LRPAP1: variants seen among roughly 807,000 people sequenced by gnomAD.
LRPAP1 encodes LDL receptor related protein associated protein 1, also known as alpha-2-macroglobulin receptor-associated protein.
Under a neutral mutation model 39.9 loss-of-function variants are expected in LRPAP1, and 41 were observed. The ratio of observed to expected loss-of-function variants is 1.03; its 90% CI spans 0.80 to 1.33. LRPAP1 has a LOEUF of 1.33. Ranked by LOEUF, LRPAP1 falls within the 40% of genes most tolerant of loss-of-function variation. LRPAP1 has a pLI of 0.00. For missense variants in LRPAP1, 565 were observed against 482.3 expected (o/e 1.17, Z -1.61); for synonymous variants, 263 against 212.7 (o/e 1.24, Z -2.06).
intron 1 of LRPAP1, among the ~76,000 whole-genome samples, chr4:3,527,106 G>A (rs1730100293): frequency 6.9e-6 from 1 of 143,974 alleles, no homozygotes; most frequent in African/African-American, 2.4e-5. Flanking sequence ...CCTGGTAGAT[G>A]CTCTGCGCCC....
At position 3,532,340 on chromosome 4, in the gene LRPAP1, G is replaced by A. The variant is rs747908477; in HGVS notation, c.73C>T (p.Pro25Ser). ...CCGCCGTGGCTCGCAGCGGGCCAGG[G>A]CCCGAGGAAGAGCAGCAGCAGTAGC... Reference protein sequence around the residue: ...ALLLLLLFLGPWPAASHGGKY... With the variant: ...ALLLLLLFLGSWPAASHGGKY... The change falls in exon 1 of 8, where the codon CCC becomes TCC. Residue 25 changes from proline (P) to serine (S), a missense_variant. By Grantham distance (74) the Pro-to-Ser change is moderately conservative. Transcript: ENST00000650182. 1 of 1,592,016 alleles carries A rather than the reference G, an allele frequency of 6.3e-7. No individual in the cohort carries two copies. Among genetic ancestry groups the A allele is most frequent in the Admixed American group, 1.7e-5 (1 of 57,526 alleles).
intron 7 of LRPAP1, 134 bp downstream of exon 7, chr4:3,514,618 G>A (rs764710630): frequency 1.1e-4 from 128 of 1,184,974 alleles, no homozygotes; most frequent in East Asian, 2.8e-4. Context: ...GTGGCCCTGG[G>A]GTTCAACTCG....
chr4:3,531,422 G>A (rs932027033), intron 1 of LRPAP1, among the ~76,000 whole-genome samples: 2 of 152,210 alleles, frequency 1.3e-5, no homozygotes, highest in African/African-American at 2.4e-5. Flanking sequence ...CATTTGAGAT[G>A]AGATAATGAG....
intron 1 of LRPAP1, among the ~76,000 whole-genome samples, chr4:3,529,952 G>A (rs1730199417): frequency 6.6e-6 from 1 of 152,226 alleles, no homozygotes; most frequent in South Asian, 2.1e-4. Flanking sequence ...GAGGCTGAGA[G>A]CAGTGGCTGC....
rs1298019531 is a variant in LRPAP1, at chr4:3,532,384, A to T, written c.29T>A (p.Leu10Gln). MAPRRVRSF[L>Q]RGLPALLLLL... ...CAGTAGCAGCGCCGGGAGCCCGCGC[A>T]GAAACGACCTGACCCTCCGCGGCGC... The change falls in exon 1 of 8, where the codon CTG becomes CAG. Residue 10 changes from leucine to glutamine, a missense_variant. Physicochemically the swap from Leu to Gln is moderately radical, Grantham distance 113. Transcript: ENST00000650182. The T allele has an allele frequency of 1.9e-6, 3 of 1,590,456 alleles. No homozygotes were observed. Among genetic ancestry groups the T allele is most frequent in the South Asian group, 1.1e-5 (1 of 88,110 alleles).
rs1729395037 is a variant in LRPAP1, at chr4:3,507,720, A to G, written c.*5254T>C. On this transcript the variant is annotated 3_prime_UTR_variant, in exon 8 of 8. Transcript: ENST00000650182. ...ATAGGTAGAAGAAAGGAAATTCATA[A>G]GAAAAGAGCAAAAGTCAATGAAAAA... The G allele has an allele frequency of 6.6e-6, 1 of 152,146 alleles. No homozygotes were observed. The highest frequency in any genetic ancestry group is 2.4e-5 in the African/African-American group (1 of 41,436). 9.4% of individuals were successfully genotyped at this position (152,146 alleles called of 1,614,324 possible).
intron 5 of LRPAP1, 38 bp downstream of exon 5, chr4:3,517,996 C>T (rs1357723849): frequency 1.3e-6 from 2 of 1,559,260 alleles, no homozygotes; most frequent in South Asian, 2.3e-5. Flanking sequence ...AGAGACGGCC[C>T]CACCCTCGGG....
In LRPAP1 at chr4:3,518,047, G is replaced by A. The variant is rs370957737; in HGVS notation, c.738C>T (p.Tyr246=). The change falls in exon 5 of 8, where the codon TAC becomes TAT. Residue 246 remains tyrosine (Y), a synonymous_variant. Coordinates refer to ENST00000650182, the MANE Select transcript of LRPAP1 (RefSeq NM_002337.4). The part of the protein sequence containing the change: ...DRLRRVSHQG[Y]STEAEFEEPR... ...GCGGGCACTCACCAGCCTCAGTGCT[G>A]TAGCCCTGGTGGCTGACCCTGCGCA... 30 of 1,609,884 alleles carry A rather than the reference G, an allele frequency of 1.9e-5. No individual in the cohort carries two copies. Among genetic ancestry groups the A allele is most frequent in the Admixed American group, 6.7e-5 (4 of 59,876 alleles).
intron 2 of LRPAP1, 186 bp from the exon 3 acceptor site, chr4:3,520,379 C>A: frequency 1.6e-6 from 1 of 624,620 alleles, no homozygotes; most frequent in Non-Finnish European, 2.7e-6. Context: ...AGCGTGGGGT[C>A]TGTGGTCTCC....
chr4:3,532,238 A>G lies in LRPAP1; in HGVS notation c.175T>C (p.Leu59=), dbSNP rs1730278927. The G allele has an allele frequency of 1.9e-6, 3 of 1,551,036 alleles. No homozygotes were observed. The highest frequency in any genetic ancestry group is 2.4e-5 in the South Asian group (2 of 84,152). ...TGGGCCTTCTCCCACAGCTGGTTCA[A>G]CTTCTCCATGCGGAACTCCTCTCCG... is the stretch of plus-strand genomic sequence containing the variant. ...ESGEEFRMEK[L]NQLWEKAQRL... Residue 59 remains leucine, a synonymous_variant, in exon 1 of 8, where the codon TTG becomes CTG. Coordinates refer to ENST00000650182, the MANE Select transcript of LRPAP1 (RefSeq NM_002337.4).
chr4:3,523,224 C>T (rs770204466), intron 2 of LRPAP1, among the ~76,000 whole-genome samples: 14 of 152,158 alleles, frequency 9.2e-5, no homozygotes, highest in African/African-American at 2.7e-4. Context: ...CTCCAGGCCC[C>T]GAATGCTGCC....
intron 1 of LRPAP1, 85 bp from the exon 2 acceptor site, chr4:3,525,136 A>G: frequency 6.5e-7 from 1 of 1,528,402 alleles, no homozygotes; most frequent in South Asian, 1.1e-5. Context: ...GAGGCTGGCC[A>G]CCGGGAGGTT....
Position 3,510,569 on chromosome 4 carries a change from T to A in LRPAP1, c.*2405A>T, listed in dbSNP as rs182039375. ...CCTATGCAGCAAATAATCTGAAAGTTAAGGGAGAAATGGATCCTGACTGCA... is the reference window on the plus strand; with the variant it reads ...CCTATGCAGCAAATAATCTGAAAGTAAAGGGAGAAATGGATCCTGACTGCA... On this transcript the variant is annotated 3_prime_UTR_variant, in exon 8 of 8. Transcript: ENST00000650182. The A allele has an allele frequency of 1.1e-3, 166 of 152,302 alleles. No individual in the cohort carries two copies. The highest frequency in any genetic ancestry group is 3.7e-3 in the African/African-American group (152 of 41,564). The allele number at this position is 152,302 out of a possible 1,614,324, so 9.4% of individuals were successfully genotyped here. A position where few individuals can be genotyped will look rare whatever the true frequency, so the allele number is the denominator to read the frequency against.
At chr4:3,524,829 CG>C in intron 2 of LRPAP1, 77 bp downstream of exon 2, 1 of 1,521,536 alleles carries the variant, frequency 6.6e-7, no homozygotes, top group Non-Finnish European at 9.1e-7. Context: ...AAACAAAATC[CG>C]ACATCCAAAA....
In LRPAP1 at chr4:3,510,658, A is replaced by C. The variant is rs1729479141; in HGVS notation, c.*2316T>G. 6.6e-6 allele frequency: 1 copy of C among 152,316 alleles called. No homozygotes were observed. Among genetic ancestry groups the C allele is most frequent in the South Asian group, 2.1e-4 (1 of 4,838 alleles). The allele number at this position is 152,316 out of a possible 1,614,324, so 9.4% of individuals were successfully genotyped here. On this transcript the variant is annotated 3_prime_UTR_variant, in exon 8 of 8. Coordinates refer to ENST00000650182, the MANE Select transcript of LRPAP1 (RefSeq NM_002337.4). ...ATACACACGCGGCACACACCCACAC[A>C]ACAGGCCGCCACGCGGCAATCAGGA...
At chr4:3,530,970 G>A (rs1261776766) in intron 1 of LRPAP1, among the ~76,000 whole-genome samples, 1 of 152,118 alleles carries the variant, frequency 6.6e-6, no homozygotes, top group Non-Finnish European at 1.5e-5. Context: ...GATGCCCAGT[G>A]CAGTGGGCAC....
At position 3,524,929 on chromosome 4, in the gene LRPAP1, C is replaced by T. The variant is rs142669297; in HGVS notation, c.327G>A (p.Ala109=). ...DGLDEDGEKE[A]RLIRNLNVIL... ...TACCATTGAGGTTGCGTATGAGTCT[C>T]GCTTCCTTCTCCCCATCTTCGTCCA... Residue 109 remains alanine, a synonymous_variant, in exon 2 of 8, where the codon GCG becomes GCA. Coordinates refer to ENST00000650182, the MANE Select transcript of LRPAP1 (RefSeq NM_002337.4). 1,082 of 1,614,188 alleles carry T rather than the reference C, an allele frequency of 6.7e-4. 5 individuals are homozygous for T. The African/African-American group carries it at 0.012, about 18-fold the overall frequency.
intron 6 of LRPAP1, 130 bp downstream of exon 6, chr4:3,515,986 G>T: frequency 1.1e-6 from 1 of 910,352 alleles, no homozygotes; most frequent in African/African-American, 1.7e-5. Flanking sequence ...TCACCGAGTG[G>T]TTAAGGAAGA....
At chr4:3,525,431 G>A (rs73197147) in intron 1 of LRPAP1, among the ~76,000 whole-genome samples, 2,896 of 149,822 alleles carry the variant, frequency 0.019, 43 homozygotes, top group Middle Eastern at 0.078. Context: ...CATATTGCAA[G>A]GACACAGACA....
Sources: gnomAD v4.1 joint callset for allele counts (sites outside exome capture counted in the v4.1 genomes callset) on GRCh38, gnomAD v4.1.1 for gene constraint, MANE v1.5 for transcripts, NCBI Gene and HGNC (gene_info 2026-07-23, HGNC 2026-07-21) for gene names.